The following LINGO3 variants were observed in gnomAD, a reference collection of about 807,000 sequenced individuals.
The protein encoded by LINGO3 is leucine-rich repeat and immunoglobulin-like domain-containing nogo receptor-interacting protein 3.
For synonymous variants in LINGO3, 427 were observed against 444.2 expected, an observed-to-expected ratio of 0.96 and a Z score of 0.49; for missense variants, 750 against 867.7, an observed-to-expected ratio of 0.86 and a Z score of 1.70.
At chr19:2,307,103 C>A in the LINGO3 span, among the ~76,000 whole-genome samples, 3 of 152,188 alleles carry the variant, frequency 2.0e-5, no homozygotes, top group Non-Finnish European at 2.9e-5. Context: ...AAGGCTCCCC[C>A]CAGCCAAGCC....
upstream of LINGO3, among the ~76,000 whole-genome samples, chr19:2,296,640 G>A (rs565640355): frequency 2.1e-4 from 32 of 151,974 alleles, no homozygotes; most frequent in South Asian, 5.4e-3. Flanking sequence ...TACCACACCC[G>A]GCTAATTTTT....
At chr19:2,288,156 C>G (rs2025482983), downstream of LINGO3, among the ~76,000 whole-genome samples, 1 of 152,200 alleles carries the variant, frequency 6.6e-6, no homozygotes, top group Non-Finnish European at 1.5e-5. This position sits in a 1 kb window ranked among gnomAD's most constrained non-coding sequence, Gnocchi z 6.5. Flanking sequence ...CAGGGAAGCT[C>G]TTCCTTGACC....
chr19:2,296,250 G>A (rs935343252), upstream of LINGO3, among the ~76,000 whole-genome samples: 4 of 151,922 alleles, frequency 2.6e-5, no homozygotes, highest in Admixed American at 2.0e-4. Flanking sequence ...CTTACTGTCC[G>A]CTCCACAGTG....
At chr19:2,305,161 C>A in the LINGO3 span, among the ~76,000 whole-genome samples, 1 of 152,098 alleles carries the variant, frequency 6.6e-6, no homozygotes, top group Non-Finnish European at 1.5e-5. Flanking sequence ...TCGCTCGAGG[C>A]CTCCCGGATC....
exon 1 of LINGO3, chr19:2,291,872 G>C: frequency 8.9e-7 from 1 of 1,126,294 alleles, no homozygotes; most frequent in South Asian, 1.3e-5. Flanking sequence ...GCACCCCTCC[G>C]CGGCGCCTCT....
chr19:2,304,397 G>C, the LINGO3 span, among the ~76,000 whole-genome samples: 190 of 152,248 alleles, frequency 1.2e-3, no homozygotes, highest in African/African-American at 4.1e-3. Context: ...ACAGCCAGCC[G>C]GTTCTAATCC....
At chr19:2,292,197 A>AG, upstream of LINGO3, among the ~76,000 whole-genome samples, 1 of 150,412 alleles carries the variant, frequency 6.6e-6, no homozygotes. Context: ...TCTTAAAAAA[A>AG]AAAAAATTAA....
chr19:2,290,877 G>A lies in LINGO3; in HGVS notation c.900C>T (p.His300=). ...CCACAGCCAGCAGGGCCCCGGCCAG[G>A]TGCAGCTCGCGCAGGCGGACCAGGT... is the stretch of plus-strand genomic sequence containing the variant. Residue 300 remains histidine (H), a synonymous_variant, in exon 1 of 1, where the codon CAC becomes CAT. Coordinates refer to ENST00000585527, the Ensembl canonical transcript of LINGO3. This position sits in a 1 kb window ranked among gnomAD's most constrained non-coding sequence, Gnocchi z 6.0. 1 of 1,611,308 alleles carries A rather than the reference G, an allele frequency of 6.2e-7. No homozygotes were observed. The highest frequency in any genetic ancestry group is 2.2e-5 in the East Asian group (1 of 44,824).
At chr19:2,300,108 C>T in the LINGO3 span, among the ~76,000 whole-genome samples, 3 of 148,848 alleles carry the variant, frequency 2.0e-5, no homozygotes, top group East Asian at 2.0e-4. Flanking sequence ...CTCTGCTCAC[C>T]GCAGCCTTCG....
the LINGO3 span, among the ~76,000 whole-genome samples, chr19:2,297,494 G>A: frequency 9.2e-5 from 14 of 151,386 alleles, 1 homozygote; most frequent in East Asian, 1.4e-3. Context: ...TAGTAGAGAC[G>A]GGATTTCACC....
At chr19:2,293,670 A>C (rs958335184), upstream of LINGO3, among the ~76,000 whole-genome samples, 6 of 151,198 alleles carry the variant, frequency 4.0e-5, no homozygotes, top group African/African-American at 1.5e-4. Context: ...GTGTGATCTC[A>C]TTTCTATGAA....
At chr19:2,291,394 A>C in exon 1 of LINGO3, 1 of 1,613,486 alleles carries the variant, frequency 6.2e-7, no homozygotes. Flanking sequence ...CAGCAGCGTG[A>C]GGTTGTCCAG....
rs1343054102 is a variant in LINGO3, at chr19:2,290,515, G to A, written c.1262C>T (p.Ala421Val). The change falls in exon 1 of 1, where the codon GCG becomes GTG. Residue 421 changes from alanine (A) to valine (V), a missense_variant. Transcript: ENST00000585527. The surrounding 1 kb of genome is among the most constrained non-coding windows in gnomAD (Gnocchi z 6.0). ...GCAGAGGAAGCGGACGTCTTCGCCC[G>A]CGGTGGCCGTGACGCGCTGCAGCCG... is the stretch of plus-strand genomic sequence containing the variant. 6.6e-7 allele frequency: 1 copy of A among 1,506,412 alleles called. No homozygotes were observed. Among genetic ancestry groups the A allele is most frequent in the Non-Finnish European group, 8.8e-7 (1 of 1,132,270 alleles). The allele number at this position is 1,506,412 out of a possible 1,614,324, so 93.3% of individuals were successfully genotyped here.
the LINGO3 span, among the ~76,000 whole-genome samples, chr19:2,303,071 C>G: frequency 6.6e-6 from 1 of 152,246 alleles, no homozygotes; most frequent in Non-Finnish European, 1.5e-5. Context: ...GCCCGCACCT[C>G]TAGTTCCAGA....
chr19:2,296,403 C>A (rs1409875006), upstream of LINGO3, among the ~76,000 whole-genome samples: 3 of 152,100 alleles, frequency 2.0e-5, no homozygotes, highest in East Asian at 5.8e-4. Context: ...TCACTGGAGC[C>A]CAGGAGGTCC....
At chr19:2,304,945 G>A in the LINGO3 span, among the ~76,000 whole-genome samples, 6 of 152,058 alleles carry the variant, frequency 3.9e-5, no homozygotes, top group African/African-American at 1.4e-4. Context: ...CTGATCTCCA[G>A]TGATCTGCCT....
chr19:2,301,259 G>T, the LINGO3 span, among the ~76,000 whole-genome samples: 2 of 147,276 alleles, frequency 1.4e-5, no homozygotes, highest in Admixed American at 6.8e-5. Flanking sequence ...CAGATTTAGT[G>T]TTTTTTTTTT....
the LINGO3 span, among the ~76,000 whole-genome samples, chr19:2,304,497 G>A: frequency 9.9e-5 from 15 of 152,224 alleles, no homozygotes; most frequent in African/African-American, 3.4e-4. Context: ...AGATCATTCC[G>A]GATCATCCAG....
At chr19:2,306,309 G>C in the LINGO3 span, among the ~76,000 whole-genome samples, 3 of 152,190 alleles carry the variant, frequency 2.0e-5, no homozygotes, top group Non-Finnish European at 2.9e-5. Flanking sequence ...CCACTAGAGG[G>C]TGAAGGGCGC....
Sources: gnomAD v4.1 joint callset for allele counts (sites outside exome capture counted in the v4.1 genomes callset) on GRCh38, gnomAD v4.1.1 for gene constraint, Gnocchi (gnomAD v3.1) non-coding constraint, MANE v1.5 for transcripts, NCBI Gene and HGNC (gene_info 2026-07-23, HGNC 2026-07-21) for gene names.